The following LRP2 variants were observed in gnomAD, a reference collection of about 807,000 sequenced individuals.
The protein encoded by LRP2 is low-density lipoprotein receptor-related protein 2.
In LRP2, 172 loss-of-function variants were observed where a neutral mutation model predicts 531.0. That is an observed-to-expected ratio of 0.32 (90% CI 0.29 to 0.37). LRP2 has a LOEUF of 0.37. Among genes scored for constraint, LRP2 ranks in the 10% least tolerant of loss-of-function variants. The probability of loss-of-function intolerance (pLI) is 1.00; values close to 1 mark genes in which losing one functional copy is unlikely to be tolerated. For synonymous variants in LRP2, 1,992 were observed against 2,027.6 expected, an observed-to-expected ratio of 0.98 and a Z score of 0.47; for missense variants, 5,167 against 5,868.3, an observed-to-expected ratio of 0.88 and a Z score of 3.90.
chr2:169,280,159 T>G (rs187830158), intron 11 of LRP2, among the ~76,000 whole-genome samples, 191 bp downstream of exon 11: 44 of 152,332 alleles, frequency 2.9e-4, no homozygotes, highest in African/African-American at 1.0e-3. Flanking sequence ...CTAATCCATA[T>G]AATAGACTGC....
At chr2:169,170,921 G>GTTTTTTTTTT (rs57451386) in intron 58 of LRP2, among the ~76,000 whole-genome samples, 11 of 91,862 alleles carry the variant, frequency 1.2e-4, no homozygotes, top group Admixed American at 4.6e-4. Flanking sequence ...CTCTCTCTCT[G>GTTTTTTTTTT]TTTTTTTTTT....
chr2:169,240,838 A>G, intron 25 of LRP2, 150 bp downstream of exon 25: 1 of 893,510 alleles, frequency 1.1e-6, no homozygotes, highest in African/African-American at 1.6e-5. Flanking sequence ...ATTTGAATTC[A>G]ATTATGGTTA....
chr2:169,212,873 C>T (rs10201911), intron 36 of LRP2, among the ~76,000 whole-genome samples: 13,053 of 151,692 alleles, frequency 0.086, 894 homozygotes, highest in African/African-American at 0.19. Flanking sequence ...CACTAAAGAA[C>T]TTACTCATGT....
intron 1 of LRP2, among the ~76,000 whole-genome samples, chr2:169,331,309 A>G (rs1001841888): frequency 6.6e-6 from 1 of 152,232 alleles, no homozygotes; most frequent in Non-Finnish European, 1.5e-5. Context: ...AAAAATTAAA[A>G]ATATAAATTG....
chr2:169,208,213 G>C (rs73035712), intron 38 of LRP2, among the ~76,000 whole-genome samples: 1,943 of 152,188 alleles, frequency 0.013, 44 homozygotes, highest in African/African-American at 0.043. Flanking sequence ...AAATAAATGG[G>C]CATAGCTGTG....
Position 169,257,202 on chromosome 2 carries a change from G to A in LRP2, c.2561C>T (p.Ala854Val). ...CAAGAGGTGAGATCCGTCACTCCAT[G>A]CTCTCATAATTTTAGCAGGACGGAA... is the stretch of plus-strand genomic sequence containing the variant. ...DWFRPAKIMR[A>V]WSDGSHLLPV... Residue 854 changes from alanine to valine, a missense_variant, in exon 18 of 79, where the codon GCA (alanine) becomes GTA (valine). Transcript: ENST00000649046. 6.2e-7 allele frequency: 1 copy of A among 1,612,880 alleles called. No homozygotes were observed. The highest frequency in any genetic ancestry group is 8.5e-7 in the Non-Finnish European group (1 of 1,179,158).
chr2:169,247,006 A>C lies in LRP2; in HGVS notation c.2909-20T>G. The C allele has an allele frequency of 2.5e-6, 4 of 1,613,370 alleles. No individual in the cohort carries two copies. Among genetic ancestry groups the C allele is most frequent in the Non-Finnish European group, 3.4e-6 (4 of 1,179,848 alleles). ...TAGAACCTGCAAAAGCAAAGCCCCG[A>C]GGGAGTCAGTCATGTACATTTTCAC... On this transcript the variant is annotated intron_variant, in intron 20 of 78. Coordinates refer to ENST00000649046, the MANE Select transcript of LRP2 (RefSeq NM_004525.3).
At chr2:169,297,401 T>A (rs908589438) in intron 4 of LRP2, among the ~76,000 whole-genome samples, 1 of 152,150 alleles carries the variant, frequency 6.6e-6, no homozygotes, top group African/African-American at 2.4e-5. Context: ...TAGGGTAAAG[T>A]GCAATATGAG....
chr2:169,164,682 T>C (rs986339393), intron 62 of LRP2, among the ~76,000 whole-genome samples: 1 of 152,216 alleles, frequency 6.6e-6, no homozygotes, highest in Non-Finnish European at 1.5e-5. Context: ...CATTAAACTT[T>C]ACATGAGCAA....
chr2:169,246,669 C>T (rs757870453), intron 21 of LRP2, 36 bp downstream of exon 21: 2 of 1,612,050 alleles, frequency 1.2e-6, no homozygotes, highest in Non-Finnish European at 1.7e-6. Context: ...CTACTCTATT[C>T]ATCCCAGGAA....
chr2:169,176,135 A>C (rs916214546), intron 54 of LRP2, among the ~76,000 whole-genome samples: 1 of 152,232 alleles, frequency 6.6e-6, no homozygotes, highest in Non-Finnish European at 1.5e-5. Flanking sequence ...CTCTGGCTCC[A>C]ATACTTAAGA....
intron 7 of LRP2, 96 bp from the exon 8 acceptor site, chr2:169,291,093 C>A: frequency 9.5e-7 from 1 of 1,050,112 alleles, no homozygotes; most frequent in Non-Finnish European, 1.4e-6. Context: ...GCAAGTTGAA[C>A]AAGAGAAATC....
chr2:169,163,030 T>C (rs1215626357), intron 62 of LRP2, among the ~76,000 whole-genome samples: 1 of 152,226 alleles, frequency 6.6e-6, no homozygotes, highest in Non-Finnish European at 1.5e-5. Context: ...CATAGAGTGA[T>C]GAGGGAAGTA....
intron 1 of LRP2, among the ~76,000 whole-genome samples, chr2:169,361,346 CTCTG>C (rs1257558956): frequency 2.4e-5 from 1 of 42,546 alleles, no homozygotes; most frequent in East Asian, 5.3e-4. Context: ...CTCTGTCTCT[CTCTG>C]TCTCTCTCTC....
Position 169,193,834 on chromosome 2 carries a change from G to C in LRP2, c.8757C>G (p.Ile2919Met). Residue 2919 changes from isoleucine (I) to methionine (M), a missense_variant, in exon 47 of 79, where the codon ATC becomes ATG. Coordinates refer to ENST00000649046, the MANE Select transcript of LRP2 (RefSeq NM_004525.3). The stretch of plus-strand genomic sequence containing the variant: ...CACCGTCACAGATCCATTCGCTTGG[G>C]ATGCACCTCCCACCATCACACTTGA... ...DEFKCDGGRC[I>M]PSEWICDGDN... is the part of the protein sequence containing the mutation. 1 of 1,614,144 alleles carries C rather than the reference G, an allele frequency of 6.2e-7. No individual in the cohort carries two copies. The highest frequency in any genetic ancestry group is 8.5e-7 in the Non-Finnish European group (1 of 1,180,018).
chr2:169,225,413 G>A lies in LRP2; in HGVS notation c.5435C>T (p.Thr1812Ile). 1 of 1,614,018 alleles carries A rather than the reference G, an allele frequency of 6.2e-7. No homozygotes were observed. Among genetic ancestry groups the A allele is most frequent in the African/African-American group, 1.3e-5 (1 of 75,012 alleles). ...HRVKTDGTNR[T>I]VFASISMVGP... ...CACCATAGATATAGAAGCAAATACTGTCCTGTTGGTGCCATCTGTCTTCAC... is the reference window on the plus strand; with the variant it reads ...CACCATAGATATAGAAGCAAATACTATCCTGTTGGTGCCATCTGTCTTCAC... Residue 1812 changes from threonine (T) to isoleucine (I), a missense_variant, in exon 33 of 79, where the codon ACA becomes ATA. Around this residue, in one of 6 missense-constraint regions of LRP2, gnomAD observed 2,811 missense variants for 3,058.0 expected, o/e 0.92. Coordinates refer to ENST00000649046, the MANE Select transcript of LRP2 (RefSeq NM_004525.3).
chr2:169,281,996 T>C (rs831007), intron 10 of LRP2, among the ~76,000 whole-genome samples: 115,090 of 152,002 alleles, frequency 0.76, 43,714 homozygotes, highest in East Asian at 0.9. Flanking sequence ...GGAATAGTTA[T>C]GGAGGAAGGC....
chr2:169,310,160 C>A (rs1464558291), intron 3 of LRP2, among the ~76,000 whole-genome samples: 1 of 152,188 alleles, frequency 6.6e-6, no homozygotes, highest in African/African-American at 2.4e-5. Flanking sequence ...ACAATCATGT[C>A]ATCTGCAAAC....
At chr2:169,301,132 G>A (rs1684275601) in intron 4 of LRP2, among the ~76,000 whole-genome samples, 1 of 152,054 alleles carries the variant, frequency 6.6e-6, no homozygotes, top group Admixed American at 6.6e-5. Flanking sequence ...CAAAAGAGAA[G>A]TGCTGCAAAC....
Sources: gnomAD v4.1 joint callset for allele counts (sites outside exome capture counted in the v4.1 genomes callset) on GRCh38, gnomAD v4.1.1 for gene constraint, gnomAD v4.1.1 regional missense constraint, MANE v1.5 for transcripts, NCBI Gene and HGNC (gene_info 2026-07-23, HGNC 2026-07-21) for gene names.